The following CRYM variants were observed in gnomAD, a reference collection of about 807,000 sequenced individuals.
CRYM encodes ketimine reductase mu-crystallin.
A neutral mutation model predicts 32.9 loss-of-function variants in CRYM; 18 were observed. The observed-to-expected ratio is 0.55, with a 90% CI of 0.38 to 0.81. The LOEUF is 0.81. CRYM is among the 30% of genes least tolerant of loss of function. CRYM has a pLI of 0.00. For missense variants in CRYM, 337 were observed against 393.5 expected, an observed-to-expected ratio of 0.86 and a Z score of 1.21; for synonymous variants, 153 against 152.4, an observed-to-expected ratio of 1.00 and a Z score of -0.03.
chr16:21,274,206 T>C (rs2093381586), intron 3 of CRYM, among the ~76,000 whole-genome samples: 1 of 152,220 alleles, frequency 6.6e-6, no homozygotes, highest in Admixed American at 6.5e-5. Flanking sequence ...CTCTTAACTC[T>C]AACTTTTAAA....
upstream of CRYM, chr16:21,278,327 G>A (rs185612437): frequency 2.0e-6 from 3 of 1,515,226 alleles, no homozygotes; most frequent in East Asian, 7.4e-5. Flanking sequence ...TTATGAGCGC[G>A]CCCGCTGCTC....
chr16:21,298,186 G>A (rs1321475658), intron 1 of CRYM, among the ~76,000 whole-genome samples: 4 of 152,174 alleles, frequency 2.6e-5, no homozygotes, highest in Non-Finnish European at 5.9e-5. Context: ...TTCCTTATGT[G>A]AAGAGTGAAA....
rs547497909 is a variant in CRYM, at chr16:21,283,519, C to A, written c.-192-4559G>T. On this transcript the variant is annotated intron_variant, in intron 1 of 9. Coordinates refer to the CRYM transcript ENST00000219599. ...TGAGTTGGCTTCACCTTGAATGCTG[C>A]AGCCAAGGCGCGTGTCTCATTCCCC... 6.6e-5 allele frequency: 10 copies of A among 152,060 alleles called. No homozygotes were observed. The East Asian group carries it at 1.7e-3, about 26-fold the overall frequency. 9.4% of individuals were successfully genotyped at this position (152,060 alleles called of 1,614,324 possible). A position where few individuals can be genotyped will look rare whatever the true frequency, so the allele number is the denominator to read the frequency against.
intron 1 of CRYM, among the ~76,000 whole-genome samples, chr16:21,289,986 C>T (rs1960581311): frequency 6.7e-6 from 1 of 148,242 alleles, no homozygotes; most frequent in South Asian, 2.1e-4. Flanking sequence ...TGTAAATGGA[C>T]CAATCAGCAC....
At chr16:21,283,684 T>G (rs1350610958) in intron 1 of CRYM, 1 of 151,932 alleles carries the variant, frequency 6.6e-6, no homozygotes, top group Non-Finnish European at 1.5e-5. Flanking sequence ...GTGGGGGGAC[T>G]GAGGTGGCGC....
chr16:21,301,982 C>G (rs1960955417), intron 1 of CRYM, among the ~76,000 whole-genome samples: 1 of 152,218 alleles, frequency 6.6e-6, no homozygotes, highest in Admixed American at 6.5e-5. Context: ...CACCCGCTAG[C>G]CGCGATGGGC....
chr16:21,262,386 G>C, intron 5 of CRYM: 1 of 444,958 alleles, frequency 2.2e-6, no homozygotes, highest in Non-Finnish European at 4.2e-6. Context: ...GGGAGGCTGA[G>C]GCAGGCAGAT....
intron 5 of CRYM, among the ~76,000 whole-genome samples, chr16:21,264,931 T>G (rs2093361109): frequency 1.3e-5 from 2 of 152,114 alleles, no homozygotes; most frequent in African/African-American, 2.4e-5. Context: ...GAGCATGAGA[T>G]GAGATTGCAG....
chr16:21,301,981 G>T (rs1486755427), intron 1 of CRYM, among the ~76,000 whole-genome samples: 1 of 152,228 alleles, frequency 6.6e-6, no homozygotes, highest in East Asian at 1.9e-4. Context: ...CCACCCGCTA[G>T]CCGCGATGGG....
intron 3 of CRYM, among the ~76,000 whole-genome samples, chr16:21,273,939 G>A (rs1161300381): frequency 6.6e-6 from 1 of 152,160 alleles, no homozygotes; most frequent in African/African-American, 2.4e-5. Context: ...ATTGAGGTGG[G>A]TGCTGTTGGT....
chr16:21,288,437 T>C (rs909240314), intron 1 of CRYM, among the ~76,000 whole-genome samples: 10 of 152,186 alleles, frequency 6.6e-5, no homozygotes, highest in African/African-American at 1.9e-4. Context: ...TATTCTCTTG[T>C]AATGTTTTTT....
At chr16:21,284,172 A>G (rs996839916) in intron 1 of CRYM, 3 of 151,134 alleles carry the variant, frequency 2.0e-5, no homozygotes, top group African/African-American at 7.3e-5. Context: ...GTTTAGTGCT[A>G]GATAGAAGGG....
At chr16:21,291,474 C>G (rs540915639) in intron 1 of CRYM, among the ~76,000 whole-genome samples, 1 of 152,124 alleles carries the variant, frequency 6.6e-6, no homozygotes, top group African/African-American at 2.4e-5. Context: ...TTTGAAAAAA[C>G]TAAACCTTAC....
chr16:21,300,526 A>C (rs1346863728), intron 1 of CRYM: 1 of 151,644 alleles, frequency 6.6e-6, no homozygotes, highest in Non-Finnish European at 1.5e-5. Flanking sequence ...AAAAAAAAAA[A>C]AACAGAAAAA....
intron 1 of CRYM, among the ~76,000 whole-genome samples, chr16:21,294,946 C>T (rs908354598): frequency 2.0e-5 from 3 of 152,124 alleles, no homozygotes; most frequent in Non-Finnish European, 2.9e-5. Context: ...CCACCCACCT[C>T]AGCCTCCCAA....
chr16:21,281,538 T>C (rs142940980), upstream of CRYM, among the ~76,000 whole-genome samples: 1 of 152,254 alleles, frequency 6.6e-6, no homozygotes, highest in African/African-American at 2.4e-5. Flanking sequence ...GCTGAAGATA[T>C]GCAATATTAA....
chr16:21,268,047 G>C (rs1033096911), intron 4 of CRYM, among the ~76,000 whole-genome samples: 3 of 152,216 alleles, frequency 2.0e-5, no homozygotes, highest in Admixed American at 2.0e-4. Context: ...TATATTAATA[G>C]CATAATGATT....
In CRYM at chr16:21,294,898, T is replaced by A. The variant is rs1410080940; in HGVS notation, c.-193+8080A>T. On this transcript the variant is annotated intron_variant, in intron 1 of 9. Coordinates refer to the CRYM transcript ENST00000219599. ...TTTTAGTAGAGACAGGGTTTCACCATGTTGGCCAGGATGGTCTCGATCTCC... is the reference window on the plus strand; with the variant it reads ...TTTTAGTAGAGACAGGGTTTCACCAAGTTGGCCAGGATGGTCTCGATCTCC... Among the ~76,000 whole-genome samples the A allele has an allele frequency of 2.0e-5, 3 of 152,026 alleles. No individual in the cohort carries two copies. The East Asian group carries it at 5.8e-4, about 29-fold the overall frequency.
intron 1 of CRYM, among the ~76,000 whole-genome samples, chr16:21,287,325 G>A (rs2093409134): frequency 6.6e-6 from 1 of 152,138 alleles, no homozygotes. Context: ...TTTTGGTAGA[G>A]TTTGAGAAGG....
Sources: gnomAD v4.1 joint callset for allele counts (sites outside exome capture counted in the v4.1 genomes callset) on GRCh38, gnomAD v4.1.1 for gene constraint, MANE v1.5 for transcripts, NCBI Gene and HGNC (gene_info 2026-07-23, HGNC 2026-07-21) for gene names.